The following TBL1XR1 variants were observed in gnomAD, a reference collection of about 807,000 sequenced individuals.
TBL1XR1 encodes F-box-like/WD repeat-containing protein TBL1XR1.
TBL1XR1 carries 5 observed loss-of-function variants against 66.9 expected under a neutral mutation model. The observed-to-expected ratio is 0.07, with a 90% CI of 0.04 to 0.16. The LOEUF (loss-of-function observed/expected upper bound fraction) is 0.16. Ranked by LOEUF, TBL1XR1 falls within the 10% of genes least tolerant of loss-of-function variation. The pLI is 1.00. For missense variants in TBL1XR1, 238 were observed against 623.2 expected, an observed-to-expected ratio of 0.38 and a Z score of 6.58; for synonymous variants, 210 against 206.0, an observed-to-expected ratio of 1.02 and a Z score of -0.17.
intron 2 of TBL1XR1, among the ~76,000 whole-genome samples, chr3:177,069,784 A>AAGGAAGGGAAGGAAGGGAAGGAAGGG (rs781727707): frequency 1.1e-3 from 43 of 39,560 alleles, no homozygotes; most frequent in African/African-American, 6.1e-3. Context: ...AAAGGAAGGA[A>AAGGAAGGGAAGGAAGGGAAGGAAGGG]AAGGAAGGAA....
At chr3:177,157,426 T>C (rs978128032) in intron 1 of TBL1XR1, among the ~76,000 whole-genome samples, 1 of 152,188 alleles carries the variant, frequency 6.6e-6, no homozygotes, top group African/African-American at 2.4e-5. Context: ...ATGATGAGAT[T>C]AGACTTGCTG....
At chr3:177,168,130 T>C (rs1197743676) in intron 1 of TBL1XR1, among the ~76,000 whole-genome samples, 1 of 152,196 alleles carries the variant, frequency 6.6e-6, no homozygotes, top group East Asian at 1.9e-4. Flanking sequence ...CCATGTTATA[T>C]AACAGAAACT....
intron 4 of TBL1XR1, among the ~76,000 whole-genome samples, chr3:177,052,218 T>C (rs1049846183): frequency 2.0e-5 from 3 of 152,220 alleles, no homozygotes; most frequent in African/African-American, 4.8e-5. Context: ...ATAGTGCTCT[T>C]GAATATTAGG....
Position 177,126,427 on chromosome 3 carries a change from T to C in TBL1XR1, c.-121-27886A>G, listed in dbSNP as rs142390825. Among the ~76,000 whole-genome samples, 299 of 152,354 alleles carry C rather than the reference T, an allele frequency of 2.0e-3. 1 individual carries two copies. The highest frequency in any genetic ancestry group is 6.9e-3 in the African/African-American group (289 of 41,588). ...CATCGGTTATGTAATAAAATTAAGA[T>C]ACATCAGAGAAGCTTTAAATCATCA... On this transcript the variant is annotated intron_variant, in intron 1 of 15. Transcript: ENST00000457928.
intron 1 of TBL1XR1, among the ~76,000 whole-genome samples, chr3:177,167,932 A>C (rs1733018571): frequency 6.7e-6 from 1 of 148,930 alleles, no homozygotes; most frequent in African/African-American, 2.4e-5. Flanking sequence ...GTTTCAAAAA[A>C]AACAACAAAA....
intron 7 of TBL1XR1, chr3:177,047,979 A>C (rs1716544815): frequency 1.2e-5 from 2 of 164,390 alleles, no homozygotes; most frequent in Admixed American, 5.7e-5. Flanking sequence ...ATTCCTCTAA[A>C]TCCTTTACTG....
At chr3:177,192,429 T>G (rs191936185) in intron 1 of TBL1XR1, among the ~76,000 whole-genome samples, 228 of 148,228 alleles carry the variant, frequency 1.5e-3, no homozygotes, top group African/African-American at 5.4e-3. Flanking sequence ...GAAAGTAAGT[T>G]GAAAAATGTT....
At chr3:177,198,741 T>C (rs951666110), upstream of TBL1XR1, among the ~76,000 whole-genome samples, 4 of 152,212 alleles carry the variant, frequency 2.6e-5, no homozygotes, top group African/African-American at 7.2e-5. Context: ...AAATAATGTT[T>C]GCAGCTTTCT....
Position 177,197,338 on chromosome 3 carries a change from G to C in TBL1XR1, c.-339C>G, listed in dbSNP as rs1736999035. On this transcript the variant is annotated 5_prime_UTR_variant, in exon 1 of 16. Transcript: ENST00000457928. Reference sequence around the variant, plus strand: ...CGGCGCGGGTCCCCAGGTGGCGAGCGGAGGTGCTCCCGCCGCGGGGGGAGG... The same window carrying C: ...CGGCGCGGGTCCCCAGGTGGCGAGCCGAGGTGCTCCCGCCGCGGGGGGAGG... 1 of 146,288 alleles carries C rather than the reference G, an allele frequency of 6.8e-6. No individual in the cohort carries two copies. The highest frequency in any genetic ancestry group is 6.8e-5 in the Admixed American group (1 of 14,738). The allele number at this position is 146,288 out of a possible 1,614,324, so 9.1% of individuals were successfully genotyped here.
intron 7 of TBL1XR1, among the ~76,000 whole-genome samples, chr3:177,049,633 A>C (rs971028390): frequency 6.6e-6 from 1 of 152,206 alleles, no homozygotes; most frequent in African/African-American, 2.4e-5. Flanking sequence ...CGGTTGTTAT[A>C]GATTTAGTAT....
chr3:177,089,667 G>A (rs1426293560), intron 2 of TBL1XR1, among the ~76,000 whole-genome samples: 5 of 152,174 alleles, frequency 3.3e-5, no homozygotes, highest in African/African-American at 9.7e-5. Flanking sequence ...ATTCTTTGTG[G>A]AAGAGTCCTG....
At chr3:177,053,186 A>G (rs778772495) in intron 4 of TBL1XR1, among the ~76,000 whole-genome samples, 1 of 152,234 alleles carries the variant, frequency 6.6e-6, no homozygotes, top group Non-Finnish European at 1.5e-5. Context: ...AAGAGTAGAC[A>G]GTAAATATTA....
At chr3:177,122,850 A>G (rs1412245044) in intron 1 of TBL1XR1, among the ~76,000 whole-genome samples, 1 of 151,288 alleles carries the variant, frequency 6.6e-6, no homozygotes, top group Admixed American at 6.6e-5. Flanking sequence ...TTATCTTCCA[A>G]CTCCAACAGT....
At chr3:177,162,103 T>C (rs1732280874) in intron 1 of TBL1XR1, among the ~76,000 whole-genome samples, 1 of 152,244 alleles carries the variant, frequency 6.6e-6, no homozygotes. Flanking sequence ...TCATTTCTAA[T>C]ACACCAAAAA....
chr3:177,197,581 G>A (rs1737040027), upstream of TBL1XR1, among the ~76,000 whole-genome samples: 1 of 143,072 alleles, frequency 7.0e-6, no homozygotes, highest in South Asian at 2.1e-4. Flanking sequence ...CGGCGGCGGC[G>A]GCGGCCGCGC....
intron 2 of TBL1XR1, among the ~76,000 whole-genome samples, chr3:177,072,467 A>C (rs1720148783): frequency 7.5e-6 from 1 of 133,016 alleles, no homozygotes; most frequent in African/African-American, 2.9e-5. Context: ...ACCACTATGC[A>C]CTCAAAAAAA....
chr3:177,143,350 G>A (rs1490888235), intron 1 of TBL1XR1, among the ~76,000 whole-genome samples: 2 of 151,496 alleles, frequency 1.3e-5, no homozygotes, highest in African/African-American at 4.9e-5. Context: ...CATAACTACA[G>A]TGAATGACAA....
At chr3:177,157,647 G>C (rs966981042) in intron 1 of TBL1XR1, among the ~76,000 whole-genome samples, 1 of 152,146 alleles carries the variant, frequency 6.6e-6, no homozygotes, top group Non-Finnish European at 1.5e-5. Context: ...CTGGGAATTA[G>C]AGTATGGATG....
chr3:177,026,517 T>C, intron 14 of TBL1XR1, 43 bp from the exon 15 acceptor site: 1 of 1,369,536 alleles, frequency 7.3e-7, no homozygotes, highest in South Asian at 1.4e-5. Context: ...GTAATACATA[T>C]TATAATAAAT....
Sources: allele counts gnomAD v4.1 joint callset (sites outside exome capture counted in the v4.1 genomes callset), GRCh38; gene constraint gnomAD v4.1.1; transcripts MANE v1.5; gene names NCBI Gene and HGNC (gene_info 2026-07-23, HGNC 2026-07-21).